Variants in SLC30A7 observed in about 807,000 individuals in gnomAD.
SLC30A7 encodes the protein solute carrier family 30 member 7, also known as zinc transporter 7.
SLC30A7 carries 35 observed loss-of-function variants against 46.0 expected under a neutral mutation model. The ratio of observed to expected loss-of-function variants is 0.76; its 90% CI spans 0.58 to 1.01. The LOEUF is 1.01. Ranked by LOEUF, SLC30A7 falls within the 50% of genes least tolerant of loss-of-function variation. The probability of loss-of-function intolerance (pLI) is 0.00; values close to 1 mark genes in which losing one functional copy is unlikely to be tolerated. For synonymous variants in SLC30A7, 147 were observed against 157.8 expected, an observed-to-expected ratio of 0.93 and a Z score of 0.51; for missense variants, 464 against 451.1, an observed-to-expected ratio of 1.03 and a Z score of -0.26.
intron 8 of SLC30A7, among the ~76,000 whole-genome samples, chr1:100,943,538 C>CCGCTCTCCCTATCTGGATCTT (rs1654468563): frequency 6.6e-6 from 1 of 152,156 alleles, no homozygotes; most frequent in Non-Finnish European, 1.5e-5. Context: ...TAACCTTCAG[C>CCGCTCTCCCTATCTGGATCTT]CGCTCTCCCT....
intron 8 of SLC30A7, among the ~76,000 whole-genome samples, chr1:100,928,074 A>G (rs951004096): frequency 3.9e-5 from 6 of 152,312 alleles, no homozygotes; most frequent in African/African-American, 1.4e-4. Flanking sequence ...ATCAAGAATA[A>G]TGAAAAGAGT....
the SLC30A7 span, among the ~76,000 whole-genome samples, chr1:100,993,468 A>T: frequency 6.7e-6 from 1 of 150,078 alleles, no homozygotes; most frequent in Admixed American, 6.7e-5. Flanking sequence ...AGGAGAATCA[A>T]TTGAACCCGG....
chr1:100,991,799 A>G, the SLC30A7 span, among the ~76,000 whole-genome samples: 1 of 151,532 alleles, frequency 6.6e-6, no homozygotes, highest in Admixed American at 6.6e-5. Flanking sequence ...AAAAAAAAAA[A>G]AAAAGTCTCA....
intron 8 of SLC30A7, among the ~76,000 whole-genome samples, chr1:100,933,458 G>A (rs984161806): frequency 1.3e-5 from 2 of 151,300 alleles, no homozygotes; most frequent in African/African-American, 4.9e-5. Flanking sequence ...GGGTACATGT[G>A]CACAACATGC....
At chr1:100,960,148 C>T (rs1011979243) in intron 8 of SLC30A7, among the ~76,000 whole-genome samples, 2 of 152,174 alleles carry the variant, frequency 1.3e-5, no homozygotes, top group Admixed American at 6.5e-5. Flanking sequence ...TCATCACTGC[C>T]ATCTTCTCCA....
At chr1:100,903,825 T>C (rs1482165829) in intron 2 of SLC30A7, among the ~76,000 whole-genome samples, 1 of 152,152 alleles carries the variant, frequency 6.6e-6, no homozygotes, top group African/African-American at 2.4e-5. Context: ...TTTTTCTGTA[T>C]GTGTGAAGAA....
the SLC30A7 span, among the ~76,000 whole-genome samples, chr1:100,986,825 G>A: frequency 1.3e-5 from 2 of 152,254 alleles, no homozygotes; most frequent in South Asian, 4.1e-4. Context: ...TGATGAAACC[G>A]TTCTGTATCT....
intron 8 of SLC30A7, among the ~76,000 whole-genome samples, chr1:100,949,351 C>T (rs1173711125): frequency 6.6e-6 from 1 of 152,158 alleles, no homozygotes; most frequent in Non-Finnish European, 1.5e-5. Context: ...TGCAGAACAG[C>T]AAATATTGCT....
At chr1:100,954,436 A>G (rs1655123838) in intron 8 of SLC30A7, among the ~76,000 whole-genome samples, 2 of 152,218 alleles carry the variant, frequency 1.3e-5, no homozygotes, top group Admixed American at 1.3e-4. Context: ...TTTAAAAACT[A>G]TTAAGTGCTA....
chr1:100,968,529 T>G (rs1655987324), intron 10 of SLC30A7, among the ~76,000 whole-genome samples: 1 of 152,146 alleles, frequency 6.6e-6, no homozygotes, highest in South Asian at 2.1e-4. Context: ...GGCGCCTCAT[T>G]GCCATCCAGG....
chr1:100,958,202 A>T (rs1655334044), intron 8 of SLC30A7, among the ~76,000 whole-genome samples: 1 of 151,072 alleles, frequency 6.6e-6, no homozygotes, highest in South Asian at 2.1e-4. Context: ...TTTGAGATGG[A>T]GTCTCGCTCT....
intron 8 of SLC30A7, among the ~76,000 whole-genome samples, chr1:100,955,249 G>C (rs1360691432): frequency 6.6e-6 from 1 of 151,920 alleles, no homozygotes; most frequent in Non-Finnish European, 1.5e-5. Context: ...TTCACTAAAA[G>C]CTGCTTCTGA....
intron 7 of SLC30A7, 35 bp downstream of exon 7, chr1:100,918,162 T>A: frequency 6.5e-7 from 1 of 1,548,996 alleles, no homozygotes; most frequent in Non-Finnish European, 8.9e-7. Context: ...CTTAGTTTTT[T>A]GAAACTGCTT....
chr1:100,931,167 C>G (rs972865015), intron 8 of SLC30A7, among the ~76,000 whole-genome samples: 4 of 152,114 alleles, frequency 2.6e-5, no homozygotes, highest in Admixed American at 6.5e-5. Context: ...GTAAGAATAT[C>G]ATTCAGCAAA....
At chr1:100,971,102 GA>G (rs1184101587) in intron 10 of SLC30A7, among the ~76,000 whole-genome samples, 1 of 152,028 alleles carries the variant, frequency 6.6e-6, no homozygotes, top group South Asian at 2.1e-4. Flanking sequence ...CCTCAAAATA[GA>G]AGTTAACACT....
chr1:100,988,826 G>A, the SLC30A7 span, among the ~76,000 whole-genome samples: 2 of 151,450 alleles, frequency 1.3e-5, no homozygotes, highest in African/African-American at 4.9e-5. Flanking sequence ...CTCTAGCCTG[G>A]GCTACAGAGT....
intron 10 of SLC30A7, chr1:100,972,334 G>C (rs1570599533): frequency 7.1e-6 from 2 of 280,262 alleles, no homozygotes; most frequent in Middle Eastern, 8.6e-4. Context: ...CATCGGGCCA[G>C]ATGGATAAAG....
intron 8 of SLC30A7, among the ~76,000 whole-genome samples, chr1:100,936,463 T>C (rs2101051526): frequency 6.6e-6 from 1 of 152,318 alleles, no homozygotes; most frequent in South Asian, 2.1e-4. Flanking sequence ...GTCTCAGTGG[T>C]ACCAAATTGT....
chr1:100,992,961 A>G, the SLC30A7 span, among the ~76,000 whole-genome samples: 1 of 152,216 alleles, frequency 6.6e-6, no homozygotes, highest in African/African-American at 2.4e-5. Context: ...TCTCACTGAA[A>G]TGATGGCAGG....
Sources: gnomAD v4.1 joint callset for allele counts (sites outside exome capture counted in the v4.1 genomes callset) on GRCh38, gnomAD v4.1.1 for gene constraint, MANE v1.5 for transcripts, NCBI Gene and HGNC (gene_info 2026-07-23, HGNC 2026-07-21) for gene names.